Variants in KCNK2 observed in about 807,000 individuals in gnomAD.
KCNK2 encodes potassium channel subfamily K member 2.
A neutral mutation model predicts 40.5 loss-of-function variants in KCNK2; 21 were observed. That is an observed-to-expected ratio of 0.52 (90% CI 0.37 to 0.75). The LOEUF (loss-of-function observed/expected upper bound fraction) is 0.75, where lower values mean the gene tolerates loss of function less well. KCNK2 is among the 30% of genes least tolerant of loss of function. The pLI, the probability that KCNK2 is intolerant of heterozygous loss-of-function variation, is 0.00. For synonymous variants in KCNK2, 191 were observed against 202.2 expected (o/e 0.94, Z 0.47); for missense variants, 399 against 531.6 (o/e 0.75, Z 2.45).
intron 1 of KCNK2, among the ~76,000 whole-genome samples, chr1:215,046,399 T>C (rs544955180): frequency 1.2e-3 from 175 of 151,766 alleles, no homozygotes; most frequent in African/African-American, 4.1e-3. Context: ...GTGAATATGG[T>C]TGGGGACTAT....
intron 1 of KCNK2, among the ~76,000 whole-genome samples, chr1:215,049,108 C>T (rs745970278): frequency 6.6e-6 from 1 of 152,060 alleles, no homozygotes; most frequent in East Asian, 1.9e-4. Context: ...TTCCCATCAG[C>T]GTTATATGAG....
chr1:215,198,965 A>C (rs760118744), intron 6 of KCNK2, among the ~76,000 whole-genome samples: 62 of 152,306 alleles, frequency 4.1e-4, no homozygotes, highest in Non-Finnish European at 2.1e-4. Context: ...TTTAAGTGTG[A>C]AAATATAGAT....
At chr1:215,052,023 C>T (rs1658007990) in intron 1 of KCNK2, among the ~76,000 whole-genome samples, 1 of 152,120 alleles carries the variant, frequency 6.6e-6, no homozygotes, top group Non-Finnish European at 1.5e-5. Context: ...CTACTATGTG[C>T]CAGGTGGCTG....
chr1:215,175,741 A>G (rs1316355843), intron 5 of KCNK2, among the ~76,000 whole-genome samples: 1 of 152,098 alleles, frequency 6.6e-6, no homozygotes, highest in African/African-American at 2.4e-5. Context: ...ATAAGTGAGA[A>G]CATAGGGTAT....
chr1:215,067,414 C>T (rs996495574), intron 1 of KCNK2, among the ~76,000 whole-genome samples: 1 of 152,150 alleles, frequency 6.6e-6, no homozygotes, highest in Non-Finnish European at 1.5e-5. Context: ...TATGGGGACT[C>T]TACCTGAAGG....
intron 6 of KCNK2, among the ~76,000 whole-genome samples, chr1:215,226,655 C>A (rs1165525562): frequency 1.3e-5 from 2 of 151,928 alleles, no homozygotes; most frequent in African/African-American, 4.8e-5. Flanking sequence ...GATTGCATTC[C>A]GTAAAGATGA....
intron 6 of KCNK2, among the ~76,000 whole-genome samples, chr1:215,222,903 T>C (rs1666238897): frequency 6.6e-6 from 1 of 152,198 alleles, no homozygotes; most frequent in Non-Finnish European, 1.5e-5. Flanking sequence ...CAAAGTAGGC[T>C]TCTAATTATT....
rs1198708741 is a variant in KCNK2, at chr1:215,062,105, G to GCTCTAACCA, written c.35-24262_35-24254dup. On this transcript the variant is annotated intron_variant, in intron 1 of 6. Coordinates refer to the KCNK2 transcript ENST00000391895. ...TATAATGGTAACACTCTCCCTTTCTGCTCTAACCAATACATGGCTTTCATT... is the reference window on the plus strand; with the variant it reads ...TATAATGGTAACACTCTCCCTTTCTGCTCTAACCACTCTAACCAATACATGGCTTTCATT... Among the ~76,000 whole-genome samples the GCTCTAACCA allele has an allele frequency of 2.0e-5, 3 of 152,150 alleles. No homozygotes were observed. The East Asian group carries it at 5.8e-4, about 29-fold the overall frequency.
At chr1:215,209,489 A>AATATATATTATATAT (rs1558140374) in intron 6 of KCNK2, among the ~76,000 whole-genome samples, 1 of 26,434 alleles carries the variant, frequency 3.8e-5, no homozygotes, top group African/African-American at 1.4e-4. Flanking sequence ...TATATAATAC[A>AATATATATTATATAT]TATATATAAT....
intron 6 of KCNK2, among the ~76,000 whole-genome samples, chr1:215,230,711 T>C (rs186326675): frequency 6.6e-6 from 1 of 151,554 alleles, no homozygotes; most frequent in Admixed American, 6.6e-5. Flanking sequence ...TGCATGGCTG[T>C]GGGCACACAG....
At position 215,195,363 on chromosome 1, in the gene KCNK2, CTT is replaced by C. The variant is rs58644485; in HGVS notation, c.963+281_963+282del. ...ACTAGAAACATTTTCTTCATTATTT[CTT>C]TTTTTTTTTGTTTTCTTTCTTTTGT... is the stretch of plus-strand genomic sequence containing the variant. On this transcript the variant is annotated intron_variant, in intron 6 of 6. Coordinates refer to ENST00000444842, the MANE Select transcript of KCNK2 (RefSeq NM_001017425.3). Among the ~76,000 whole-genome samples, 253 of 148,736 alleles carry C rather than the reference CTT, an allele frequency of 1.7e-3. 2 individuals are homozygous for C. Among genetic ancestry groups the C allele is most frequent in the African/African-American group, 4.5e-3 (182 of 40,632 alleles).
At chr1:215,016,558 A>G (rs139432933) in intron 1 of KCNK2, among the ~76,000 whole-genome samples, 1 of 152,310 alleles carries the variant, frequency 6.6e-6, no homozygotes, top group East Asian at 1.9e-4. Context: ...TCACATGCAG[A>G]AGGATAAAAT....
chr1:215,029,803 T>C (rs1657122823), intron 1 of KCNK2, among the ~76,000 whole-genome samples: 1 of 152,136 alleles, frequency 6.6e-6, no homozygotes, highest in South Asian at 2.1e-4. Context: ...TTCCACAGTG[T>C]ACTTCCATTC....
intron 1 of KCNK2, among the ~76,000 whole-genome samples, chr1:215,019,466 A>G (rs1029932889): frequency 1.8e-4 from 28 of 152,242 alleles, no homozygotes; most frequent in Non-Finnish European, 7.3e-5. Context: ...TCAGTTGTTC[A>G]TGACAATGTC....
chr1:215,021,609 G>A (rs961750394), intron 1 of KCNK2, among the ~76,000 whole-genome samples: 2 of 142,508 alleles, frequency 1.4e-5, no homozygotes, highest in Non-Finnish European at 3.0e-5. Context: ...GCAGTGGCGC[G>A]ATCTCCGCTC....
intron 3 of KCNK2, among the ~76,000 whole-genome samples, chr1:215,164,107 G>A (rs886774976): frequency 1.3e-5 from 2 of 152,044 alleles, no homozygotes; most frequent in African/African-American, 4.8e-5. Flanking sequence ...ACTTATTATT[G>A]GTCTATTCAG....
At chr1:215,092,373 T>C (rs529160869) in intron 2 of KCNK2, among the ~76,000 whole-genome samples, 2 of 152,268 alleles carry the variant, frequency 1.3e-5, no homozygotes, top group South Asian at 4.1e-4. Context: ...GCTTTGGACA[T>C]TGCACTAATT....
chr1:215,133,770 T>C (rs896611723), intron 3 of KCNK2, among the ~76,000 whole-genome samples: 1 of 152,178 alleles, frequency 6.6e-6, no homozygotes, highest in African/African-American at 2.4e-5. Flanking sequence ...TTGTGGTTTA[T>C]GTGCACCTAA....
At chr1:215,097,638 A>G (rs1275124652) in intron 2 of KCNK2, among the ~76,000 whole-genome samples, 2 of 151,962 alleles carry the variant, frequency 1.3e-5, no homozygotes, top group Non-Finnish European at 2.9e-5. Context: ...ATAAAGTGTA[A>G]TGGTTACTTT....
Sources: allele counts gnomAD v4.1 joint callset (sites outside exome capture counted in the v4.1 genomes callset), GRCh38; gene constraint gnomAD v4.1.1; transcripts MANE v1.5; gene names NCBI Gene and HGNC (gene_info 2026-07-23, HGNC 2026-07-21).